The following KAZN variants were observed in gnomAD, a reference collection of about 807,000 sequenced individuals.
KAZN encodes the protein kazrin.
KAZN carries 40 observed loss-of-function variants against 87.4 expected under a neutral mutation model. That is an observed-to-expected ratio of 0.46 (90% CI 0.36 to 0.60). The LOEUF is 0.60. Among genes scored for constraint, KAZN ranks in the 20% least tolerant of loss-of-function variants. KAZN has a pLI of 0.00. For synonymous variants in KAZN, 466 were observed against 458.3 expected (o/e 1.02, Z -0.22); for missense variants, 898 against 1,073.9 (o/e 0.84, Z 2.29).
At chr1:14,456,391 A>G (rs925013718) in intron 2 of KAZN, among the ~76,000 whole-genome samples, 5 of 152,168 alleles carry the variant, frequency 3.3e-5, no homozygotes, top group African/African-American at 1.2e-4. Context: ...TAGTACTCTT[A>G]GTAGATATTC....
chr1:14,161,950 G>A (rs1645719464), intron 1 of KAZN, among the ~76,000 whole-genome samples: 2 of 152,168 alleles, frequency 1.3e-5, no homozygotes, highest in South Asian at 4.1e-4. Flanking sequence ...GAACAGTGGT[G>A]CAACAAGCAT....
chr1:14,625,745 G>A (rs1679091418), intron 1 of KAZN, among the ~76,000 whole-genome samples: 1 of 152,198 alleles, frequency 6.6e-6, no homozygotes, highest in Non-Finnish European at 1.5e-5. Context: ...AAAGAGGGCG[G>A]GAGGTTTGTG....
chr1:14,466,014 C>A (rs1398236490), intron 2 of KAZN, among the ~76,000 whole-genome samples: 1 of 152,154 alleles, frequency 6.6e-6, no homozygotes, highest in Non-Finnish European at 1.5e-5. Flanking sequence ...ACATGCTATA[C>A]AGATTTGCAA....
chr1:13,931,311 T>C (rs1640500027), intron 1 of KAZN, among the ~76,000 whole-genome samples: 1 of 152,174 alleles, frequency 6.6e-6, no homozygotes, highest in Admixed American at 6.5e-5. Context: ...CATAAATTAA[T>C]AATTCTCCCT....
intron 1 of KAZN, among the ~76,000 whole-genome samples, chr1:13,936,909 G>C (rs552883171): frequency 3.9e-5 from 6 of 152,194 alleles, no homozygotes; most frequent in African/African-American, 1.4e-4. Context: ...AACTGTGCAA[G>C]ATGGTATCTC....
chr1:14,702,598 T>C (rs1156339637), intron 1 of KAZN, among the ~76,000 whole-genome samples: 1 of 152,140 alleles, frequency 6.6e-6, no homozygotes, highest in Non-Finnish European at 1.5e-5. Context: ...GAACGTGGTA[T>C]GTATCGTGGG....
At chr1:14,496,523 A>G (rs553851341) in intron 2 of KAZN, among the ~76,000 whole-genome samples, 1 of 152,020 alleles carries the variant, frequency 6.6e-6, no homozygotes, top group South Asian at 2.1e-4. Flanking sequence ...TCCTTTGGAG[A>G]CAAGAATAGC....
exon 1 of KAZN, chr1:13,892,891 C>T (rs1638887997): frequency 6.6e-6 from 1 of 152,278 alleles, no homozygotes; most frequent in South Asian, 2.1e-4. Context: ...CTGGGGGCCG[C>T]TGCAGCAGGT....
chr1:14,868,154 A>G (rs921008170), intron 1 of KAZN, among the ~76,000 whole-genome samples: 3 of 151,924 alleles, frequency 2.0e-5, no homozygotes, highest in Admixed American at 2.0e-4. Context: ...ATACGCAGCC[A>G]TCGCATAGGC....
At chr1:14,401,444 C>T (rs1241971154) in intron 2 of KAZN, among the ~76,000 whole-genome samples, 10 of 151,554 alleles carry the variant, frequency 6.6e-5, no homozygotes, top group Non-Finnish European at 2.9e-5. Flanking sequence ...CAAACGAATC[C>T]AGCAGGATAT....
intron 1 of KAZN, among the ~76,000 whole-genome samples, chr1:14,631,002 C>T (rs975407590): frequency 6.6e-6 from 1 of 152,130 alleles, no homozygotes; most frequent in Non-Finnish European, 1.5e-5. Context: ...TTCATCCAAG[C>T]GTATTGATCT....
intron 2 of KAZN, among the ~76,000 whole-genome samples, chr1:14,320,752 T>C (rs1328762287): frequency 1.3e-5 from 2 of 152,214 alleles, no homozygotes; most frequent in East Asian, 3.8e-4. Context: ...GACTTTCCTT[T>C]AGCCACTGGT....
Position 14,212,381 on chromosome 1 carries a change from A to C in KAZN, c.249+31789A>C, listed in dbSNP as rs576486785. ...GAGAAATTATGCTAAGTGATCACAA[A>C]TTTTCTTTAAAGTTTTACTTCAAAG... On this transcript the variant is annotated intron_variant, in intron 2 of 16. Coordinates refer to the KAZN transcript ENST00000636203. 1.1e-4 allele frequency among the ~76,000 whole-genome samples: 17 copies of C among 152,086 alleles called. 1 individual carries two copies. The South Asian group carries it at 3.3e-3, about 30-fold the overall frequency.
chr1:14,147,656 C>T (rs531188789), intron 1 of KAZN, among the ~76,000 whole-genome samples: 1 of 151,914 alleles, frequency 6.6e-6, no homozygotes, highest in Non-Finnish European at 1.5e-5. Context: ...ATTAGCTGGG[C>T]ATGGCGGCAC....
chr1:14,022,211 C>T (rs996612817), intron 1 of KAZN, among the ~76,000 whole-genome samples: 3 of 151,824 alleles, frequency 2.0e-5, no homozygotes, highest in African/African-American at 7.2e-5. Context: ...GTTCTTTATA[C>T]ATGACAAAAA....
chr1:14,822,825 A>G (rs1356113819), intron 1 of KAZN, among the ~76,000 whole-genome samples: 1 of 152,018 alleles, frequency 6.6e-6, no homozygotes. Flanking sequence ...CCACACATGA[A>G]GACAGGGCTG....
intron 13 of KAZN, among the ~76,000 whole-genome samples, chr1:15,106,528 C>T (rs148025099): frequency 4.6e-5 from 7 of 152,244 alleles, no homozygotes; most frequent in African/African-American, 1.4e-4. Flanking sequence ...TAAGACTAGT[C>T]AGGGAGCACC....
intron 2 of KAZN, among the ~76,000 whole-genome samples, chr1:14,206,693 G>A (rs1402969559): frequency 1.5e-5 from 2 of 129,610 alleles, no homozygotes; most frequent in Admixed American, 1.7e-4. Context: ...CTAACTTCAT[G>A]AGCATTTTCT....
At chr1:14,208,150 A>G (rs1425137233) in intron 2 of KAZN, among the ~76,000 whole-genome samples, 1 of 152,194 alleles carries the variant, frequency 6.6e-6, no homozygotes, top group Non-Finnish European at 1.5e-5. Context: ...AAGGAGGATT[A>G]TCTCCTGTAT....
Sources: gnomAD v4.1 joint callset for allele counts (sites outside exome capture counted in the v4.1 genomes callset) on GRCh38, gnomAD v4.1.1 for gene constraint, MANE v1.5 for transcripts, NCBI Gene and HGNC (gene_info 2026-07-23, HGNC 2026-07-21) for gene names.